CHCHD6: variants seen among roughly 807,000 people sequenced by gnomAD.
The protein encoded by CHCHD6 is coiled-coil-helix-coiled-coil-helix domain containing 6.
A neutral mutation model predicts 32.3 loss-of-function variants in CHCHD6; 28 were observed. The observed-to-expected ratio is 0.87, with a 90% CI of 0.64 to 1.19. CHCHD6 has a LOEUF of 1.19. CHCHD6 is among the 50% of genes most tolerant of loss of function. The probability of loss-of-function intolerance (pLI) is 0.00; values close to 1 mark genes in which losing one functional copy is unlikely to be tolerated. For synonymous variants in CHCHD6, 122 were observed against 117.5 expected, an observed-to-expected ratio of 1.04 and a Z score of -0.25; for missense variants, 333 against 307.0, an observed-to-expected ratio of 1.08 and a Z score of -0.63.
intron 5 of CHCHD6, among the ~76,000 whole-genome samples, chr3:126,908,070 A>C (rs1339236264): frequency 1.8e-5 from 1 of 54,572 alleles, no homozygotes. Flanking sequence ...GCTTGCCGGG[A>C]ATTGACCTGT....
rs934651637 is a variant in CHCHD6 at position 126,929,551 on chromosome 3, C to T, written c.566+14801C>T. On this transcript the variant is annotated intron_variant, in intron 6 of 7. Coordinates refer to ENST00000290913, the MANE Select transcript of CHCHD6 (RefSeq NM_032343.3). Reference sequence around the variant, plus strand: ...GATTATTTGAATATATAGATTCTGTCATCTCTCTCAACTCTCTCTCTCTTT... The same window carrying T: ...GATTATTTGAATATATAGATTCTGTTATCTCTCTCAACTCTCTCTCTCTTT... Among the ~76,000 whole-genome samples the T allele has an allele frequency of 2.0e-5, 3 of 151,476 alleles. 1 individual carries two copies.
At chr3:126,922,031 C>A (rs1379539964) in intron 6 of CHCHD6, among the ~76,000 whole-genome samples, 4 of 152,142 alleles carry the variant, frequency 2.6e-5, no homozygotes, top group Non-Finnish European at 5.9e-5. Flanking sequence ...CTTTGATGAC[C>A]TTTTAAAGGA....
intron 6 of CHCHD6, among the ~76,000 whole-genome samples, chr3:126,927,265 G>A (rs960171711): frequency 6.6e-6 from 1 of 152,226 alleles, no homozygotes; most frequent in Non-Finnish European, 1.5e-5. Context: ...CGCTGAACAT[G>A]AGCATCAGGA....
At chr3:126,843,923 CCT>C (rs1364754705) in intron 4 of CHCHD6, among the ~76,000 whole-genome samples, 1 of 152,164 alleles carries the variant, frequency 6.6e-6, no homozygotes, top group African/African-American at 2.4e-5. Flanking sequence ...GTTTTAAAGT[CCT>C]CATTTGCTAA....
intron 5 of CHCHD6, among the ~76,000 whole-genome samples, chr3:126,871,768 C>A (rs1170661046): frequency 6.6e-6 from 1 of 150,506 alleles, no homozygotes; most frequent in African/African-American, 2.5e-5. Flanking sequence ...CAGGTTCAAG[C>A]AATTCTCCTG....
In CHCHD6 at chr3:126,761,492, C is replaced by CAT. The variant is rs1937161332; in HGVS notation, c.411+28272_411+28273dup. On this transcript the variant is annotated intron_variant, in intron 4 of 7. Coordinates refer to ENST00000290913, the MANE Select transcript of CHCHD6 (RefSeq NM_032343.3). ...CCAATCAAGCTCACATTCTGCACATCATAGCTAACTCCAGCCTCCAATGGC... is the reference window on the plus strand; with the variant it reads ...CCAATCAAGCTCACATTCTGCACATCATATAGCTAACTCCAGCCTCCAATGGC... Among the ~76,000 whole-genome samples the CAT allele has an allele frequency of 2.6e-5, 4 of 152,216 alleles. No homozygotes were observed. In the South Asian group the frequency reaches 8.3e-4, roughly 32 times the overall value.
intron 6 of CHCHD6, among the ~76,000 whole-genome samples, chr3:126,943,480 G>C (rs892271412): frequency 9.2e-5 from 14 of 152,186 alleles, no homozygotes; most frequent in African/African-American, 3.4e-4. Flanking sequence ...TGACCCTGTG[G>C]TTGTTCTAAG....
intron 6 of CHCHD6, among the ~76,000 whole-genome samples, chr3:126,919,189 T>C (rs2078209626): frequency 6.6e-6 from 1 of 152,218 alleles, no homozygotes; most frequent in African/African-American, 2.4e-5. Context: ...TGTAGTGTTC[T>C]GTATTGTCAA....
At chr3:126,921,062 G>C (rs536871223) in intron 6 of CHCHD6, among the ~76,000 whole-genome samples, 3 of 144,488 alleles carry the variant, frequency 2.1e-5, no homozygotes, top group East Asian at 2.1e-4. Flanking sequence ...GGAATGACTA[G>C]AGTTTGCCAA....
intron 4 of CHCHD6, among the ~76,000 whole-genome samples, chr3:126,824,878 CTGACTTTCT>C (rs1168567980): frequency 4.6e-5 from 7 of 152,076 alleles, no homozygotes; most frequent in Non-Finnish European, 8.8e-5. Flanking sequence ...TGTGCCCGGC[CTGACTTTCT>C]TGATTTTCTT....
chr3:126,800,079 T>A (rs571969976), intron 4 of CHCHD6, among the ~76,000 whole-genome samples: 1 of 152,356 alleles, frequency 6.6e-6, no homozygotes, highest in African/African-American at 2.4e-5. Flanking sequence ...TACATCTACA[T>A]CTTTCCTTCT....
intron 4 of CHCHD6, among the ~76,000 whole-genome samples, chr3:126,831,751 A>G (rs1940652962): frequency 6.6e-6 from 1 of 152,234 alleles, no homozygotes; most frequent in Non-Finnish European, 1.5e-5. Flanking sequence ...AGACTCTGCC[A>G]ATACTGAAGA....
chr3:126,809,800 A>G (rs1939577175), intron 4 of CHCHD6, among the ~76,000 whole-genome samples: 1 of 152,024 alleles, frequency 6.6e-6, no homozygotes, highest in Non-Finnish European at 1.5e-5. Flanking sequence ...TGGTTTCATC[A>G]TTTTTCCACC....
intron 6 of CHCHD6, chr3:126,949,964 T>C (rs797012779): frequency 1.0e-4 from 16 of 152,766 alleles, no homozygotes; most frequent in African/African-American, 3.4e-4. Context: ...TGCACAGATG[T>C]CTTGTCATAG....
chr3:126,801,467 G>A (rs1170468356), intron 4 of CHCHD6, among the ~76,000 whole-genome samples: 1 of 152,230 alleles, frequency 6.6e-6, no homozygotes, highest in Non-Finnish European at 1.5e-5. Context: ...TGCTAGCACA[G>A]CAGTCTGAGA....
chr3:126,919,844 C>T (rs2078221578), intron 6 of CHCHD6, among the ~76,000 whole-genome samples: 1 of 149,762 alleles, frequency 6.7e-6, no homozygotes, highest in East Asian at 2.0e-4. Context: ...GATTTTCTGT[C>T]TTTGGTTTTA....
chr3:126,822,088 T>C (rs1351439869), intron 4 of CHCHD6, among the ~76,000 whole-genome samples: 2 of 152,214 alleles, frequency 1.3e-5, no homozygotes, highest in Non-Finnish European at 2.9e-5. Flanking sequence ...ACCTATTTTT[T>C]CTTTGGTTAC....
chr3:126,864,653 CCTCCTCCACCTCCTCCACCATCAT>C, intron 5 of CHCHD6, among the ~76,000 whole-genome samples: 7 of 142,590 alleles, frequency 4.9e-5, no homozygotes, highest in South Asian at 2.4e-4. Flanking sequence ...CTTTTTTCCT[CCTCCTCCACCTCCTCCACCATCAT>C]CTCCTCCTCC....
intron 5 of CHCHD6, among the ~76,000 whole-genome samples, chr3:126,904,425 C>T (rs1303663198): frequency 6.6e-6 from 1 of 152,244 alleles, no homozygotes; most frequent in African/African-American, 2.4e-5. Context: ...ATGCTCAGCA[C>T]TCCCCCAAAG....
Sources: allele counts gnomAD v4.1 joint callset (sites outside exome capture counted in the v4.1 genomes callset), GRCh38; gene constraint gnomAD v4.1.1; transcripts MANE v1.5; gene names NCBI Gene and HGNC (gene_info 2026-07-23, HGNC 2026-07-21).